Variants in SERGEF observed in about 807,000 individuals in gnomAD.
The protein encoded by SERGEF is secretion regulating guanine nucleotide exchange factor, also known as secretion-regulating guanine nucleotide exchange factor.
A neutral mutation model predicts 50.0 loss-of-function variants in SERGEF; 51 were observed. The observed-to-expected ratio is 1.02, with a 90% CI of 0.81 to 1.29. The LOEUF is 1.29. Among genes scored for constraint, SERGEF ranks in the 50% most tolerant of loss-of-function variants. The pLI, the probability that SERGEF is intolerant of heterozygous loss-of-function variation, is 0.00. For synonymous variants in SERGEF, 205 were observed against 212.4 expected (o/e 0.97, Z 0.30); for missense variants, 521 against 557.0 (o/e 0.94, Z 0.65).
intron 4 of SERGEF, among the ~76,000 whole-genome samples, chr11:18,000,962 G>A (rs1853948428): frequency 6.6e-6 from 1 of 152,188 alleles, no homozygotes; most frequent in Non-Finnish European, 1.5e-5. Context: ...CTGTGTGCCA[G>A]TAAGACTTTA....
chr11:17,942,435 A>G (rs1448709022), intron 9 of SERGEF, among the ~76,000 whole-genome samples: 7 of 151,446 alleles, frequency 4.6e-5, no homozygotes, highest in Admixed American at 3.9e-4. Context: ...GCTGCTATAT[A>G]AAAAAAAAGT....
intron 10 of SERGEF, among the ~76,000 whole-genome samples, chr11:17,838,188 AAAG>A (rs768150384): frequency 1.3e-5 from 2 of 152,222 alleles, no homozygotes; most frequent in Non-Finnish European, 2.9e-5. Context: ...GAAAGCTAGG[AAAG>A]AAGAAAGCCC....
chr11:17,925,471 G>A (rs1268228398), intron 9 of SERGEF, among the ~76,000 whole-genome samples: 1 of 152,154 alleles, frequency 6.6e-6, no homozygotes, highest in Non-Finnish European at 1.5e-5. Context: ...GGGAGGGAGT[G>A]TTCAAGACCA....
At chr11:17,796,163 T>A (rs1849569087) in intron 10 of SERGEF, among the ~76,000 whole-genome samples, 1 of 152,072 alleles carries the variant, frequency 6.6e-6, no homozygotes. Context: ...AACACAGAGA[T>A]GATTTTAAAA....
At chr11:18,001,111 C>T (rs1853950891) in intron 4 of SERGEF, among the ~76,000 whole-genome samples, 1 of 152,188 alleles carries the variant, frequency 6.6e-6, no homozygotes, top group Admixed American at 6.5e-5. Flanking sequence ...GTGCCTGTTC[C>T]ATTTTTGCAC....
chr11:17,931,331 C>T (rs574547838), intron 9 of SERGEF, among the ~76,000 whole-genome samples: 2 of 152,222 alleles, frequency 1.3e-5, no homozygotes, highest in Admixed American at 6.5e-5. Context: ...AAATATAATG[C>T]CTACTTCACA....
intron 10 of SERGEF, among the ~76,000 whole-genome samples, chr11:17,815,790 C>T (rs1849963786): frequency 6.6e-6 from 1 of 151,878 alleles, no homozygotes; most frequent in African/African-American, 2.4e-5. Context: ...GGCGTGGTGG[C>T]AGGTGCCTGT....
chr11:17,820,015 A>AT (rs906501422), intron 10 of SERGEF, among the ~76,000 whole-genome samples: 6 of 150,628 alleles, frequency 4.0e-5, no homozygotes, highest in African/African-American at 1.5e-4. Flanking sequence ...TTAAAAAAAA[A>AT]TTTTTTTTTG....
chr11:17,967,753 C>T (rs977351187), intron 8 of SERGEF, among the ~76,000 whole-genome samples: 2 of 152,242 alleles, frequency 1.3e-5, no homozygotes, highest in African/African-American at 2.4e-5. Context: ...CCTACATTCT[C>T]TCAATGTTGG....
chr11:17,940,540 T>C (rs1486998204), intron 9 of SERGEF, among the ~76,000 whole-genome samples: 2 of 152,202 alleles, frequency 1.3e-5, no homozygotes, highest in Non-Finnish European at 2.9e-5. Flanking sequence ...TCCCATGCTC[T>C]GCCCAAACCC....
chr11:18,000,746 TA>T, intron 4 of SERGEF, 189 bp from the exon 5 acceptor site: 2 of 692,714 alleles, frequency 2.9e-6, no homozygotes, highest in South Asian at 1.5e-5. Context: ...ATATATCTTT[TA>T]AAATACCATA....
intron 10 of SERGEF, among the ~76,000 whole-genome samples, chr11:17,861,493 C>T (rs1397852386): frequency 6.6e-6 from 1 of 152,178 alleles, no homozygotes; most frequent in Non-Finnish European, 1.5e-5. Flanking sequence ...TGCAATCCTT[C>T]TGAGATTCCA....
intron 9 of SERGEF, among the ~76,000 whole-genome samples, chr11:17,910,193 A>G (rs509678): frequency 1.4e-5 from 2 of 145,638 alleles, no homozygotes; most frequent in Non-Finnish European, 3.0e-5. Flanking sequence ...ACACACACAC[A>G]CTCTCTCTCT....
At chr11:17,809,079 T>C (rs1394455335) in intron 10 of SERGEF, among the ~76,000 whole-genome samples, 2 of 152,170 alleles carry the variant, frequency 1.3e-5, no homozygotes, top group African/African-American at 4.8e-5. Flanking sequence ...AAATGAACCA[T>C]TCATGGCACC....
At chr11:17,821,338 GCTAATACACACTGC>G (rs1850078340) in intron 10 of SERGEF, among the ~76,000 whole-genome samples, 1 of 152,096 alleles carries the variant, frequency 6.6e-6, no homozygotes, top group South Asian at 2.1e-4. Flanking sequence ...ATATTATTAT[GCTAATACACACTGC>G]CTATCTCCTT....
chr11:17,926,190 G>A (rs1320967694), intron 9 of SERGEF, among the ~76,000 whole-genome samples: 1 of 151,800 alleles, frequency 6.6e-6, no homozygotes, highest in African/African-American at 2.4e-5. Context: ...TTCCCAATTG[G>A]GGCATTAGTC....
intron 5 of SERGEF, among the ~76,000 whole-genome samples, chr11:17,999,168 G>A (rs1323310502): frequency 6.6e-6 from 1 of 152,190 alleles, no homozygotes; most frequent in East Asian, 1.9e-4. Context: ...GAGAACAGAA[G>A]AGTGCTTAGC....
chr11:17,949,045 C>G (rs1316709500), intron 9 of SERGEF, among the ~76,000 whole-genome samples: 2 of 152,160 alleles, frequency 1.3e-5, no homozygotes, highest in Non-Finnish European at 2.9e-5. Context: ...TTAACCTCCC[C>G]CTTCTAGTCA....
At chr11:17,911,338 T>A (rs888388014) in intron 9 of SERGEF, among the ~76,000 whole-genome samples, 1 of 146,546 alleles carries the variant, frequency 6.8e-6, no homozygotes, top group African/African-American at 2.5e-5. Flanking sequence ...TATATATATA[T>A]TATATATAAT....
Sources: allele counts gnomAD v4.1 joint callset (sites outside exome capture counted in the v4.1 genomes callset), GRCh38; gene constraint gnomAD v4.1.1; transcripts MANE v1.5; gene names NCBI Gene and HGNC (gene_info 2026-07-23, HGNC 2026-07-21).